Variants in ERG observed in about 807,000 individuals in gnomAD.
ERG encodes ETS transcription factor ERG.
Under a neutral mutation model 55.3 loss-of-function variants are expected in ERG, and 9 were observed. That is an observed-to-expected ratio of 0.16 (90% confidence interval 0.10 to 0.28). The LOEUF (loss-of-function observed/expected upper bound fraction) is 0.28. Among genes scored for constraint, ERG ranks in the 10% least tolerant of loss-of-function variants. The pLI, the probability that ERG is intolerant of heterozygous loss-of-function variation, is 1.00. For missense variants in ERG, 434 were observed against 631.6 expected (o/e 0.69, Z 3.35); for synonymous variants, 223 against 237.3 (o/e 0.94, Z 0.55).
chr21:38,402,712 C>CAAA lies in ERG; in HGVS notation c.593-78_593-76dup, dbSNP rs759434219. 1.9e-3 allele frequency: 310 copies of CAAA among 165,076 alleles called. 1 individual carries two copies. The highest frequency in any genetic ancestry group is 9.2e-3 in the South Asian group (52 of 5,636). The allele number at this position is 165,076 out of a possible 1,614,324, so 10.2% of individuals were successfully genotyped here. A position where few individuals can be genotyped will look rare whatever the true frequency, so the allele number is the denominator to read the frequency against. On this transcript the variant is annotated intron_variant, in intron 4 of 9. Coordinates refer to ENST00000288319, the MANE Select transcript of ERG (RefSeq NM_182918.4). ...GAGAGAAAGAGAATTACCTTTCTTACAAAAAAAAAAAAAAAAAAAGAAAGA... is the reference window on the plus strand; with the variant it reads ...GAGAGAAAGAGAATTACCTTTCTTACAAAAAAAAAAAAAAAAAAAAAAGAAAGA...
chr21:38,410,609 T>C (rs1470272839), intron 3 of ERG, among the ~76,000 whole-genome samples: 1 of 152,046 alleles, frequency 6.6e-6, no homozygotes, highest in Admixed American at 6.6e-5. Context: ...AGGCTGACAT[T>C]TAAAAAAAAT....
At chr21:38,400,493 T>A in intron 6 of ERG, 81 bp downstream of exon 6, 1 of 1,077,164 alleles carries the variant, frequency 9.3e-7, no homozygotes. Flanking sequence ...TCTCTTTGTA[T>A]CACGTGACTT....
intron 2 of ERG, among the ~76,000 whole-genome samples, chr21:38,543,754 T>TTC (rs1320856113): frequency 6.6e-6 from 1 of 150,922 alleles, no homozygotes; most frequent in Non-Finnish European, 1.5e-5. Context: ...TTTTTTTTTT[T>TTC]CAGATGAAGT....
the ERG span, among the ~76,000 whole-genome samples, chr21:38,370,740 A>T: frequency 1.3e-4 from 20 of 151,976 alleles, no homozygotes; most frequent in Admixed American, 2.6e-4. Flanking sequence ...CATATCTGTT[A>T]GATTAGTTTA....
chr21:38,487,670 A>G (rs1166683693), intron 1 of ERG, among the ~76,000 whole-genome samples: 4 of 152,210 alleles, frequency 2.6e-5, no homozygotes, highest in African/African-American at 9.7e-5. Context: ...AGGAGGTAGC[A>G]CCTGTAAGGA....
At chr21:38,487,134 T>TTC (rs1377365824) in intron 1 of ERG, among the ~76,000 whole-genome samples, 2 of 90,870 alleles carry the variant, frequency 2.2e-5, no homozygotes, top group African/African-American at 8.0e-5. Flanking sequence ...TTTTTTTTTT[T>TTC]TTCACTATCC....
upstream of ERG, among the ~76,000 whole-genome samples, chr21:38,585,712 A>G (rs981215530): frequency 2.6e-5 from 4 of 151,894 alleles, no homozygotes; most frequent in Admixed American, 2.0e-4. Context: ...CACTGCATCA[A>G]ATCAATATTT....
At chr21:38,513,700 T>C (rs954623276) in intron 2 of ERG, among the ~76,000 whole-genome samples, 3 of 152,156 alleles carry the variant, frequency 2.0e-5, no homozygotes, top group Admixed American at 2.0e-4. Flanking sequence ...ATGTTACTGT[T>C]TCTGTGGGTG....
intron 2 of ERG, among the ~76,000 whole-genome samples, chr21:38,540,433 C>G (rs1483317544): frequency 6.6e-6 from 1 of 152,110 alleles, no homozygotes; most frequent in Non-Finnish European, 1.5e-5. Flanking sequence ...ACTGACTCAC[C>G]CTGACAGTTA....
intron 1 of ERG, among the ~76,000 whole-genome samples, chr21:38,647,651 T>C (rs986184415): frequency 5.3e-5 from 8 of 152,358 alleles, no homozygotes. Flanking sequence ...CATTACAAAA[T>C]GTCACTACTT....
intron 1 of ERG, among the ~76,000 whole-genome samples, chr21:38,642,546 C>G (rs572451407): frequency 6.6e-6 from 1 of 152,176 alleles, no homozygotes; most frequent in Non-Finnish European, 1.5e-5. Context: ...AAGTCTCCAG[C>G]GTGAAGAACA....
chr21:38,408,443 A>G (rs1265365642), intron 3 of ERG, among the ~76,000 whole-genome samples: 1 of 152,208 alleles, frequency 6.6e-6, no homozygotes, highest in Non-Finnish European at 1.5e-5. Flanking sequence ...CATCTGTCCT[A>G]GATGTTCTCA....
chr21:38,609,063 C>A (rs1260559085), intron 1 of ERG, among the ~76,000 whole-genome samples: 2 of 152,114 alleles, frequency 1.3e-5, no homozygotes, highest in Non-Finnish European at 2.9e-5. Flanking sequence ...GGTAAAAGAA[C>A]CTACAATCCA....
chr21:38,631,723 T>C (rs984334492), intron 1 of ERG, among the ~76,000 whole-genome samples: 1 of 152,004 alleles, frequency 6.6e-6, no homozygotes, highest in African/African-American at 2.4e-5. Context: ...AGGCAAAAAG[T>C]TCCCACACCC....
intron 2 of ERG, among the ~76,000 whole-genome samples, chr21:38,432,556 T>C (rs568809591): frequency 6.6e-6 from 1 of 152,340 alleles, no homozygotes; most frequent in South Asian, 2.1e-4. Context: ...TGAGCATGGC[T>C]CCAGACTCTT....
intron 1 of ERG, among the ~76,000 whole-genome samples, chr21:38,653,887 C>A (rs931447202): frequency 6.6e-6 from 1 of 152,172 alleles, no homozygotes; most frequent in African/African-American, 2.4e-5. Context: ...ACAATTAATA[C>A]AATGTAATGC....
Position 38,474,731 on chromosome 21 carries a change from A to AT in ERG, c.18+23631dup, listed in dbSNP as rs5843909. Among the ~76,000 whole-genome samples, 364 of 147,122 alleles carry AT rather than the reference A, an allele frequency of 2.5e-3. 2 individuals carry two copies. Among genetic ancestry groups the AT allele is most frequent in the Non-Finnish European group, 1.1e-3 (72 of 66,396 alleles). ...CAAATACGGTGAAAGACTTGGCTCC[A>AT]TTTTTTTTTTTTTGTCTGTTCGTTA... On this transcript the variant is annotated intron_variant, in intron 1 of 9. Transcript: ENST00000288319.
intron 2 of ERG, among the ~76,000 whole-genome samples, chr21:38,546,246 T>C (rs2059787056): frequency 6.6e-6 from 1 of 152,210 alleles, no homozygotes; most frequent in Non-Finnish European, 1.5e-5. Flanking sequence ...CTATCTTCTT[T>C]TTTTACTTCT....
At chr21:38,497,619 A>G (rs2059390306) in intron 1 of ERG, among the ~76,000 whole-genome samples, 1 of 152,130 alleles carries the variant, frequency 6.6e-6, no homozygotes, top group Non-Finnish European at 1.5e-5. Flanking sequence ...TCTACATGCT[A>G]TCTACTAAAA....
Sources: gnomAD v4.1 joint callset for allele counts (sites outside exome capture counted in the v4.1 genomes callset) on GRCh38, gnomAD v4.1.1 for gene constraint, MANE v1.5 for transcripts, NCBI Gene and HGNC (gene_info 2026-07-23, HGNC 2026-07-21) for gene names.